The following CRB1 variants were observed in gnomAD, a reference collection of about 807,000 sequenced individuals.
CRB1 encodes crumbs cell polarity complex component 1.
Under a neutral mutation model 120.0 loss-of-function variants are expected in CRB1, and 83 were observed. The observed-to-expected ratio is 0.69, with a 90% confidence interval of 0.58 to 0.83. CRB1 has a LOEUF of 0.83. Ranked by LOEUF, CRB1 falls within the 40% of genes least tolerant of loss-of-function variation. The pLI is 0.00. For missense variants in CRB1, 1,699 were observed against 1,687.6 expected, an observed-to-expected ratio of 1.01 and a Z score of -0.12; for synonymous variants, 625 against 612.5, an observed-to-expected ratio of 1.02 and a Z score of -0.30.
At chr1:197,468,670 A>T (rs1433609215) in intron 11 of CRB1, among the ~76,000 whole-genome samples, 1 of 152,112 alleles carries the variant, frequency 6.6e-6, no homozygotes, top group Non-Finnish European at 1.5e-5. Context: ...GAAGGAAGGG[A>T]TAGATTTGGC....
chr1:197,349,541 T>C (rs1254378767), intron 4 of CRB1, among the ~76,000 whole-genome samples: 1 of 152,186 alleles, frequency 6.6e-6, no homozygotes, highest in African/African-American at 2.4e-5. Context: ...CTAACTTTAT[T>C]GTCTAAGAAA....
chr1:197,386,216 G>A (rs78303899), intron 5 of CRB1, among the ~76,000 whole-genome samples: 2,756 of 152,094 alleles, frequency 0.018, 76 homozygotes, highest in African/African-American at 0.06. Context: ...AACTGGTTAC[G>A]TAATTGTTCT....
At chr1:197,475,102 C>T (rs1295893995) in intron 11 of CRB1, among the ~76,000 whole-genome samples, 4 of 152,166 alleles carry the variant, frequency 2.6e-5, no homozygotes, top group African/African-American at 4.8e-5. Context: ...ATTCTATATG[C>T]TTTACTTCAA....
intron 5 of CRB1, among the ~76,000 whole-genome samples, chr1:197,411,074 T>G (rs1663686323): frequency 6.6e-6 from 1 of 152,236 alleles, no homozygotes; most frequent in Non-Finnish European, 1.5e-5. Flanking sequence ...CCCTGGTATC[T>G]GCTTTTCTCC....
chr1:197,323,680 T>C (rs1037442365), intron 1 of CRB1, among the ~76,000 whole-genome samples: 5 of 152,230 alleles, frequency 3.3e-5, no homozygotes, highest in South Asian at 2.1e-4. Context: ...ACTTGCATCA[T>C]TTAGTCATGT....
chr1:197,417,779 C>T (rs1664083830), intron 5 of CRB1, among the ~76,000 whole-genome samples: 1 of 151,956 alleles, frequency 6.6e-6, no homozygotes, highest in Admixed American at 6.5e-5. Flanking sequence ...CCTTTTTTTG[C>T]CACCAAGTTC....
At position 197,435,115 on chromosome 1, in the gene CRB1, C is replaced by G; in HGVS notation, c.3252C>G (p.Asp1084Glu). The G allele has an allele frequency of 6.2e-7, 1 of 1,613,894 alleles. No individual in the cohort carries two copies. The highest frequency in any genetic ancestry group is 8.5e-7 in the Non-Finnish European group (1 of 1,179,888). ...ATAATACAGATATTTATGTGGGAGA[C>G]AGAGCTATTGACAATATAAAGGGCC... Reference protein sequence around the residue: ...LKDNTDIYVGDRAIDNIKGLQ... With the variant: ...LKDNTDIYVGERAIDNIKGLQ... Residue 1084 changes from aspartate to glutamate, a missense_variant, in exon 9 of 12, where the codon GAC becomes GAG. Asp to Glu is a conservative substitution (Grantham distance 45). Transcript: ENST00000367400.
At chr1:197,242,633 A>C in the CRB1 span, among the ~76,000 whole-genome samples, 1 of 151,542 alleles carries the variant, frequency 6.6e-6, no homozygotes, top group African/African-American at 2.4e-5. Context: ...TTGGCCTGAA[A>C]TTTTCTTTTG....
chr1:197,391,412 A>G (rs1662499178), intron 5 of CRB1, among the ~76,000 whole-genome samples: 1 of 152,130 alleles, frequency 6.6e-6, no homozygotes, highest in South Asian at 2.1e-4. Flanking sequence ...TGTTTCTTTC[A>G]GAAGAGTTGT....
chr1:197,254,918 T>C, the CRB1 span, among the ~76,000 whole-genome samples: 3 of 152,142 alleles, frequency 2.0e-5, no homozygotes, highest in Non-Finnish European at 2.9e-5. Context: ...ATGGATCTTA[T>C]CTTCAACAGG....
chr1:197,407,223 C>G (rs995210620), intron 5 of CRB1, among the ~76,000 whole-genome samples: 1 of 152,134 alleles, frequency 6.6e-6, no homozygotes, highest in Non-Finnish European at 1.5e-5. Context: ...TTAAGATATT[C>G]TTTTTATTCT....
intron 5 of CRB1, among the ~76,000 whole-genome samples, chr1:197,379,527 C>T (rs1292366984): frequency 6.7e-6 from 1 of 149,924 alleles, no homozygotes; most frequent in African/African-American, 2.5e-5. Context: ...GTCTCAATCT[C>T]CTGACCTCGT....
At chr1:197,477,604 C>T in intron 11 of CRB1, 60 bp from the exon 12 acceptor site, 1 of 1,513,624 alleles carries the variant, frequency 6.6e-7, no homozygotes, top group Non-Finnish European at 9.2e-7. Flanking sequence ...GTTCCATTGT[C>T]CTGAATATTT....
chr1:197,309,753 A>AAAATAAATAAAT (rs57529093), intron 1 of CRB1, among the ~76,000 whole-genome samples: 2,094 of 141,546 alleles, frequency 0.015, 24 homozygotes, highest in Middle Eastern at 0.065. Context: ...ACTACATCTC[A>AAAATAAATAAAT]AAATAAATAA....
chr1:197,311,698 AGT>A (rs57455433), intron 1 of CRB1, among the ~76,000 whole-genome samples: 25,439 of 138,648 alleles, frequency 0.18, 2,748 homozygotes, highest in East Asian at 0.53. Flanking sequence ...TCATATAGTT[AGT>A]GTGTGTGTGT....
chr1:197,237,970 G>T, the CRB1 span, among the ~76,000 whole-genome samples: 2 of 152,082 alleles, frequency 1.3e-5, no homozygotes, highest in Non-Finnish European at 2.9e-5. Flanking sequence ...CTTCTCTAAT[G>T]AATGCATTTA....
chr1:197,305,281 A>T (rs1657096673), intron 1 of CRB1, among the ~76,000 whole-genome samples: 1 of 152,108 alleles, frequency 6.6e-6, no homozygotes, highest in Non-Finnish European at 1.5e-5. Flanking sequence ...TTACTATCCT[A>T]TAATTATCCT....
chr1:197,431,952 T>TA (rs1307003977), intron 8 of CRB1, among the ~76,000 whole-genome samples: 1 of 152,184 alleles, frequency 6.6e-6, no homozygotes, highest in Non-Finnish European at 1.5e-5. Context: ...AACTAAAATA[T>TA]ATTGAAAAGA....
chr1:197,428,087 G>T, intron 7 of CRB1, 86 bp downstream of exon 7: 1 of 1,239,428 alleles, frequency 8.1e-7, no homozygotes, highest in East Asian at 2.5e-5. Context: ...ACCATTCTTT[G>T]TATATAAAGA....
Sources: allele counts gnomAD v4.1 joint callset (sites outside exome capture counted in the v4.1 genomes callset), GRCh38; gene constraint gnomAD v4.1.1; transcripts MANE v1.5; gene names NCBI Gene and HGNC (gene_info 2026-07-23, HGNC 2026-07-21).